USP7: variants seen among roughly 807,000 people sequenced by gnomAD.
USP7 encodes ubiquitin specific peptidase 7.
In USP7, 9 loss-of-function variants were observed where a neutral mutation model predicts 162.9. The observed-to-expected ratio is 0.06, with a 90% confidence interval of 0.03 to 0.10. The LOEUF (loss-of-function observed/expected upper bound fraction) is 0.10, where lower values mean the gene tolerates loss of function less well. Among genes scored for constraint, USP7 ranks in the 10% least tolerant of loss-of-function variants. The pLI is 1.00. For missense variants in USP7, 715 were observed against 1,373.7 expected (o/e 0.52, Z 7.58); for synonymous variants, 562 against 475.9 (o/e 1.18, Z -2.35).
At chr16:8,915,186 T>C in intron 10 of USP7, 68 bp downstream of exon 10, 2 of 1,400,630 alleles carry the variant, frequency 1.4e-6, no homozygotes, top group Non-Finnish European at 2.0e-6. Flanking sequence ...ATCACTTGTG[T>C]AAATGAAACA....
intron 8 of USP7, 147 bp from the exon 9 acceptor site, chr16:8,915,672 C>CA: frequency 1.4e-6 from 1 of 737,194 alleles, no homozygotes; most frequent in Non-Finnish European, 2.2e-6. Flanking sequence ...CAAAAACATA[C>CA]AAAATCTTCT....
intron 1 of USP7, among the ~76,000 whole-genome samples, chr16:8,934,982 G>C (rs1467087800): frequency 6.6e-6 from 1 of 152,210 alleles, no homozygotes; most frequent in African/African-American, 2.4e-5. Flanking sequence ...TGAAAGCACA[G>C]GATAGCCACA....
intron 20 of USP7, 110 bp from the exon 21 acceptor site, chr16:8,900,740 CT>C: frequency 1.3e-6 from 1 of 796,136 alleles, no homozygotes; most frequent in Non-Finnish European, 2.0e-6. Flanking sequence ...TTCTATCCAC[CT>C]TTTAAGTTAA....
chr16:8,932,097 G>T (rs1438434107), intron 1 of USP7, among the ~76,000 whole-genome samples: 2 of 152,064 alleles, frequency 1.3e-5, no homozygotes, highest in Admixed American at 1.3e-4. Flanking sequence ...CCAACGCTTA[G>T]ATTACATCAT....
intron 4 of USP7, among the ~76,000 whole-genome samples, chr16:8,920,746 T>C (rs950922488): frequency 6.6e-6 from 1 of 152,116 alleles, no homozygotes. Context: ...GAGAATGCAA[T>C]GATAAGTGAC....
intron 6 of USP7, 46 bp downstream of exon 6, chr16:8,918,984 AG>A: frequency 6.3e-7 from 1 of 1,594,642 alleles, no homozygotes; most frequent in Non-Finnish European, 8.6e-7. Flanking sequence ...ATACCTGAGA[AG>A]AAAGGGTGAG....
At chr16:8,918,579 G>T (rs1897507057) in intron 6 of USP7, among the ~76,000 whole-genome samples, 1 of 152,194 alleles carries the variant, frequency 6.6e-6, no homozygotes. Flanking sequence ...GGAAGCTGAG[G>T]CAGGTGGATA....
At chr16:8,905,047 C>G in intron 14 of USP7, 140 bp downstream of exon 14, 1 of 1,012,316 alleles carries the variant, frequency 9.9e-7, no homozygotes, top group South Asian at 1.6e-5. Flanking sequence ...GCAAGCCCAA[C>G]CCTGCTCATT....
chr16:8,916,586 T>TG (rs1404252214), intron 7 of USP7, 30 bp from the exon 8 acceptor site: 1 of 1,449,210 alleles, frequency 6.9e-7, no homozygotes, highest in Non-Finnish European at 9.1e-7. Context: ...CAACTCCATT[T>TG]AAAGCTCAAC....
At chr16:8,899,457 G>A in intron 22 of USP7, 147 bp downstream of exon 22, 1 of 1,047,720 alleles carries the variant, frequency 9.5e-7, no homozygotes, top group Non-Finnish European at 1.4e-6. Flanking sequence ...CCAAGGCAGA[G>A]AGCCTGAATC....
At chr16:8,931,306 A>G (rs1391852895) in intron 1 of USP7, among the ~76,000 whole-genome samples, 1 of 151,572 alleles carries the variant, frequency 6.6e-6, no homozygotes, top group Non-Finnish European at 1.5e-5. Flanking sequence ...CTCCTGCCTC[A>G]GCCTCCTGAG....
intron 1 of USP7, among the ~76,000 whole-genome samples, chr16:8,953,305 G>C (rs9936763): frequency 0.25 from 37,301 of 151,952 alleles, 5,507 homozygotes; most frequent in African/African-American, 0.42. Context: ...AGTCCCATCC[G>C]GGGTAGAGTT....
intron 1 of USP7, among the ~76,000 whole-genome samples, chr16:8,932,410 T>G (rs1189977466): frequency 6.6e-6 from 1 of 152,158 alleles, no homozygotes; most frequent in African/African-American, 2.4e-5. Flanking sequence ...AATTTATTAT[T>G]ATTTTTAAAG....
At position 8,894,405 on chromosome 16, in the gene USP7, G is replaced by A. The variant is rs539716023; in HGVS notation, c.3202+145C>T. ...ACCTGTTAAGAACTCGTAGGTTATG[G>A]AATGCTATTGCTCCTGGTTCCACAG... On this transcript the variant is annotated intron_variant, in intron 30 of 30. Coordinates refer to ENST00000344836, the MANE Select transcript of USP7 (RefSeq NM_003470.3). 95 of 724,722 alleles carry A rather than the reference G, an allele frequency of 1.3e-4. No homozygotes were observed. In the Admixed American group the frequency reaches 1.6e-3, roughly 12 times the overall value. The allele number at this position is 724,722 out of a possible 1,614,324, so 44.9% of individuals were successfully genotyped here.
chr16:8,910,665 A>T, intron 11 of USP7, 80 bp downstream of exon 11: 1 of 1,354,690 alleles, frequency 7.4e-7, no homozygotes, highest in Non-Finnish European at 1.0e-6. Context: ...GGCACAAGCA[A>T]ATTTTTATTT....
chr16:8,919,474 A>G (rs1047432765), intron 5 of USP7, among the ~76,000 whole-genome samples: 6 of 151,976 alleles, frequency 3.9e-5, no homozygotes, highest in African/African-American at 1.5e-4. Flanking sequence ...ACATAATTAC[A>G]CTTATCACAC....
In USP7 at chr16:8,892,835, G is replaced by A. The variant is rs1332878086; in HGVS notation, c.*1163C>T. Reference sequence around the variant, plus strand: ...TTTTCCAGCAAAAAGGCAATATACAGGAAGAGTTGGTGTACACTGCTCCCA... The same window carrying A: ...TTTTCCAGCAAAAAGGCAATATACAAGAAGAGTTGGTGTACACTGCTCCCA... On this transcript the variant is annotated 3_prime_UTR_variant, in exon 31 of 31. Coordinates refer to ENST00000344836, the MANE Select transcript of USP7 (RefSeq NM_003470.3). 4 of 152,116 alleles carry A rather than the reference G, an allele frequency of 2.6e-5. No individual in the cohort carries two copies. The highest frequency in any genetic ancestry group is 7.2e-5 in the African/African-American group (3 of 41,414). The allele number at this position is 152,116 out of a possible 1,614,324, so 9.4% of individuals were successfully genotyped here. A position where few individuals can be genotyped will look rare whatever the true frequency, so the allele number is the denominator to read the frequency against.
rs886305134 is a variant in USP7, at chr16:8,904,338, G to C, written c.1704+97C>G. The C allele has an allele frequency of 7.1e-6, 11 of 1,544,802 alleles. No individual in the cohort carries two copies. In the African/African-American group the frequency reaches 1.5e-4, roughly 21 times the overall value. ...TGGATGCCCTGCTGCATGGTGACCT[G>C]GGAGTCCCAGAGGGGTGGGGGCTGA... is the stretch of plus-strand genomic sequence containing the variant. On this transcript the variant is annotated intron_variant, in intron 15 of 30. Transcript: ENST00000344836.
intron 1 of USP7, among the ~76,000 whole-genome samples, chr16:8,948,373 C>G (rs955343565): frequency 1.1e-4 from 16 of 152,040 alleles, no homozygotes; most frequent in South Asian, 2.1e-4. Context: ...TTTGTAGAGA[C>G]GAGTTTTCAC....
Sources: allele counts gnomAD v4.1 joint callset (sites outside exome capture counted in the v4.1 genomes callset), GRCh38; gene constraint gnomAD v4.1.1; transcripts MANE v1.5; gene names NCBI Gene and HGNC (gene_info 2026-07-23, HGNC 2026-07-21).